Variants in GALNTL6 observed in about 807,000 individuals in gnomAD.
GALNTL6 encodes the protein polypeptide N-acetylgalactosaminyltransferase like 6.
A neutral mutation model predicts 73.7 loss-of-function variants in GALNTL6; 46 were observed. That is an observed-to-expected ratio of 0.62 (90% CI 0.49 to 0.80). The LOEUF (loss-of-function observed/expected upper bound fraction) is 0.80, where lower values mean the gene tolerates loss of function less well. Ranked by LOEUF, GALNTL6 falls within the 30% of genes least tolerant of loss-of-function variation. The pLI, the probability that GALNTL6 is intolerant of heterozygous loss-of-function variation, is 0.00. For synonymous variants in GALNTL6, 259 were observed against 263.7 expected, an observed-to-expected ratio of 0.98 and a Z score of 0.17; for missense variants, 604 against 755.0, an observed-to-expected ratio of 0.80 and a Z score of 2.34.
intron 5 of GALNTL6, among the ~76,000 whole-genome samples, chr4:172,660,239 G>A (rs1731295698): frequency 6.6e-6 from 1 of 152,124 alleles, no homozygotes; most frequent in South Asian, 2.1e-4. Context: ...TACAGCACTG[G>A]CACAACTCTC....
intron 7 of GALNTL6, among the ~76,000 whole-genome samples, chr4:172,879,757 A>G (rs1005317246): frequency 1.3e-5 from 2 of 151,948 alleles, no homozygotes; most frequent in African/African-American, 4.8e-5. Flanking sequence ...AAGAATTAAA[A>G]TAATAAAGAC....
At chr4:172,780,895 T>G (rs1739339295) in intron 5 of GALNTL6, among the ~76,000 whole-genome samples, 1 of 152,224 alleles carries the variant, frequency 6.6e-6, no homozygotes. Flanking sequence ...GCTACAATGC[T>G]GCTCACACGA....
chr4:173,027,203 C>T (rs1410814362), intron 12 of GALNTL6, among the ~76,000 whole-genome samples: 5 of 152,110 alleles, frequency 3.3e-5, no homozygotes, highest in African/African-American at 1.2e-4. Context: ...AGGCTGGTCT[C>T]GAACTCCTGA....
chr4:171,853,365 CCCTTCTTACACTCAG>C (rs1735582056), intron 2 of GALNTL6, among the ~76,000 whole-genome samples: 1 of 151,858 alleles, frequency 6.6e-6, no homozygotes, highest in South Asian at 2.1e-4. Flanking sequence ...CCCTTCTTTC[CCCTTCTTACACTCAG>C]CCTTCACCTT....
intron 5 of GALNTL6, among the ~76,000 whole-genome samples, chr4:172,514,617 A>C (rs940179792): frequency 2.0e-5 from 3 of 151,820 alleles, no homozygotes; most frequent in Non-Finnish European, 2.9e-5. Context: ...GCCCTGAAAA[A>C]TTTTCACTCA....
At chr4:171,842,976 C>T (rs1476670707) in intron 2 of GALNTL6, among the ~76,000 whole-genome samples, 10 of 152,096 alleles carry the variant, frequency 6.6e-5, no homozygotes. Context: ...ATTATATTTC[C>T]AATTTTACAA....
intron 5 of GALNTL6, among the ~76,000 whole-genome samples, chr4:172,745,446 T>TATATATATGCACAC (rs34523518): frequency 2.8e-5 from 4 of 145,244 alleles, no homozygotes; most frequent in African/African-American, 1.1e-4. Context: ...TATATATATG[T>TATATATATGCACAC]ACACATAACT....
At chr4:172,140,364 A>G (rs1246523140) in intron 2 of GALNTL6, among the ~76,000 whole-genome samples, 2 of 152,098 alleles carry the variant, frequency 1.3e-5, no homozygotes, top group Non-Finnish European at 2.9e-5. Context: ...TTAGTATACT[A>G]TTAAATTCCT....
intron 5 of GALNTL6, among the ~76,000 whole-genome samples, chr4:172,514,772 A>G (rs183738569): frequency 1.6e-4 from 24 of 152,316 alleles, no homozygotes; most frequent in African/African-American, 5.8e-4. Flanking sequence ...GAGTGCCTAC[A>G]GGGCTCTTCC....
chr4:172,442,707 T>C (rs536023951), intron 5 of GALNTL6, among the ~76,000 whole-genome samples: 1 of 152,276 alleles, frequency 6.6e-6, no homozygotes, highest in East Asian at 1.9e-4. Context: ...CAGTTACCGA[T>C]ATATTTCAAG....
At chr4:172,864,319 T>C (rs1424353361) in intron 7 of GALNTL6, among the ~76,000 whole-genome samples, 2 of 152,170 alleles carry the variant, frequency 1.3e-5, no homozygotes, top group Non-Finnish European at 2.9e-5. Context: ...AACCCACTCA[T>C]AGCATTCATC....
intron 2 of GALNTL6, among the ~76,000 whole-genome samples, chr4:171,856,464 A>G (rs1217662568): frequency 6.6e-6 from 1 of 152,056 alleles, no homozygotes; most frequent in Non-Finnish European, 1.5e-5. Context: ...TTTATGAATC[A>G]TATATTTGGT....
At chr4:172,041,723 A>C (rs989113491) in intron 2 of GALNTL6, among the ~76,000 whole-genome samples, 2 of 152,040 alleles carry the variant, frequency 1.3e-5, no homozygotes, top group Non-Finnish European at 2.9e-5. Flanking sequence ...TGATAGTAGC[A>C]AGGAGTAATT....
At chr4:172,373,618 T>C (rs1455857769) in intron 5 of GALNTL6, among the ~76,000 whole-genome samples, 1 of 152,164 alleles carries the variant, frequency 6.6e-6, no homozygotes. Flanking sequence ...GCCCTTCCAA[T>C]GCACAGACTT....
chr4:172,452,355 A>G (rs1252526379), intron 5 of GALNTL6, among the ~76,000 whole-genome samples: 2 of 149,368 alleles, frequency 1.3e-5, no homozygotes, highest in African/African-American at 5.0e-5. Context: ...GCAAAACAAA[A>G]CTAAAACAGC....
chr4:172,809,318 A>T lies in GALNTL6; in HGVS notation c.554-43A>T. 1 of 1,498,694 alleles carries T rather than the reference A, an allele frequency of 6.7e-7. No individual in the cohort carries two copies. Among genetic ancestry groups the T allele is most frequent in the Non-Finnish European group, 9.3e-7 (1 of 1,079,528 alleles). The allele number at this position is 1,498,694 out of a possible 1,614,324, so 92.8% of individuals were successfully genotyped here. A position where few individuals can be genotyped will look rare whatever the true frequency, so the allele number is the denominator to read the frequency against. On this transcript the variant is annotated intron_variant, in intron 5 of 12. Transcript: ENST00000506823. This position sits in a 1 kb window ranked among gnomAD's most constrained non-coding sequence, Gnocchi z 4.4. ...AACCGTGAATAATTCAGCTGCAACTAATGTTTTGCGTTTTTTCTATGCATT... is the reference window on the plus strand; with the variant it reads ...AACCGTGAATAATTCAGCTGCAACTTATGTTTTGCGTTTTTTCTATGCATT...
At chr4:171,994,097 G>A (rs1740417125) in intron 2 of GALNTL6, among the ~76,000 whole-genome samples, 1 of 151,870 alleles carries the variant, frequency 6.6e-6, no homozygotes, top group African/African-American at 2.4e-5. Flanking sequence ...CAAGTGTATT[G>A]CCCCTTTGTT....
intron 10 of GALNTL6, among the ~76,000 whole-genome samples, chr4:172,963,031 C>T (rs916977804): frequency 1.3e-5 from 2 of 152,110 alleles, no homozygotes; most frequent in Non-Finnish European, 2.9e-5. Context: ...AAAGTCCTTA[C>T]CTATAAGATT....
intron 3 of GALNTL6, among the ~76,000 whole-genome samples, chr4:172,245,939 T>C (rs1030945682): frequency 1.3e-5 from 2 of 152,164 alleles, no homozygotes; most frequent in Non-Finnish European, 2.9e-5. Flanking sequence ...AAAAAACAAC[T>C]GTTCCTTCTG....
Sources: allele counts gnomAD v4.1 joint callset (sites outside exome capture counted in the v4.1 genomes callset), GRCh38; gene constraint gnomAD v4.1.1; non-coding constraint Gnocchi (gnomAD v3.1); transcripts MANE v1.5; gene names NCBI Gene and HGNC (gene_info 2026-07-23, HGNC 2026-07-21).